Variants in TBX4 observed in about 807,000 individuals in gnomAD.
The protein encoded by TBX4 is T-box transcription factor TBX4.
TBX4 carries 13 observed loss-of-function variants against 54.6 expected under a neutral mutation model. That is an observed-to-expected ratio of 0.24 (90% CI 0.15 to 0.38). The LOEUF (loss-of-function observed/expected upper bound fraction) is 0.38, where lower values mean the gene tolerates loss of function less well. Among genes scored for constraint, TBX4 ranks in the 10% least tolerant of loss-of-function variants. TBX4 has a pLI of 1.00. For synonymous variants in TBX4, 314 were observed against 306.7 expected, an observed-to-expected ratio of 1.02 and a Z score of -0.25; for missense variants, 631 against 728.5, an observed-to-expected ratio of 0.87 and a Z score of 1.54.
rs1256573043 is a variant in TBX4 at position 61,457,264 on chromosome 17, G to C, written c.187-273G>C. Among the ~76,000 whole-genome samples the C allele has an allele frequency of 5.3e-5, 8 of 152,278 alleles. No individual in the cohort carries two copies. Among genetic ancestry groups the C allele is most frequent in the African/African-American group, 1.9e-4 (8 of 41,586 alleles). On this transcript the variant is annotated intron_variant, in intron 2 of 8. Coordinates refer to ENST00000644296, the MANE Select transcript of TBX4 (RefSeq NM_001321120.2). The surrounding 1 kb of genome is among the most constrained non-coding windows in gnomAD (Gnocchi z 8.2). ...GCCCGCCACAGAAATGTTCATGAGT[G>C]AGCAGGAGTGTCGTCTAACCTGCGC...
At position 61,483,661 on chromosome 17, in the gene TBX4, A is replaced by G. The variant is rs1370548780; in HGVS notation, c.*145A>G. 3 of 635,104 alleles carry G rather than the reference A, an allele frequency of 4.7e-6. No homozygotes were observed. In the East Asian group the frequency reaches 9.3e-5, roughly 20 times the overall value. The allele number at this position is 635,104 out of a possible 1,614,324, so 39.3% of individuals were successfully genotyped here. On this transcript the variant is annotated 3_prime_UTR_variant, in exon 9 of 9. Transcript: ENST00000644296. This position sits in a 1 kb window ranked among gnomAD's most constrained non-coding sequence, Gnocchi z 6.6. Reference sequence around the variant, plus strand: ...GTGTGTGTGTGTGTGTGTATACACGAGCATGTATGTATTTGGAGAGCATCC... The same window carrying G: ...GTGTGTGTGTGTGTGTGTATACACGGGCATGTATGTATTTGGAGAGCATCC...
chr17:61,457,888 G>T lies in TBX4; in HGVS notation c.281+257G>T, dbSNP rs918606194. Among the ~76,000 whole-genome samples, 3 of 152,234 alleles carry T rather than the reference G, an allele frequency of 2.0e-5. No homozygotes were observed. The highest frequency in any genetic ancestry group is 2.9e-5 in the Non-Finnish European group (2 of 68,046). On this transcript the variant is annotated intron_variant, in intron 3 of 8. Transcript: ENST00000644296. This position sits in a 1 kb window ranked among gnomAD's most constrained non-coding sequence, Gnocchi z 8.2. ...ATGCAAATGAATCCAAACAGGGATC[G>T]CGACGCTCAAAAGTCCCAGCTCCAG...
In TBX4 at chr17:61,465,211, G is replaced by A. The variant is rs1291555103; in HGVS notation, c.282-608G>A. Among the ~76,000 whole-genome samples the A allele has an allele frequency of 6.6e-6, 1 of 152,152 alleles. No individual in the cohort carries two copies. The highest frequency in any genetic ancestry group is 6.5e-5 in the Admixed American group (1 of 15,284). The stretch of plus-strand genomic sequence containing the variant: ...CCAGGTGAGGTGTTCACAGGGAGAA[G>A]TACCCCCGATAGACACACTGGAAGA... On this transcript the variant is annotated intron_variant, in intron 3 of 8. Coordinates refer to ENST00000644296, the MANE Select transcript of TBX4 (RefSeq NM_001321120.2). The surrounding 1 kb of genome is among the most constrained non-coding windows in gnomAD (Gnocchi z 4.9).
rs376199213 is a variant in TBX4 at position 61,472,032 on chromosome 17, C to A, written c.549+4375C>A. 6.6e-6 allele frequency among the ~76,000 whole-genome samples: 1 copy of A among 151,872 alleles called. No individual in the cohort carries two copies. Among genetic ancestry groups the A allele is most frequent in the African/African-American group, 2.4e-5 (1 of 41,330 alleles). On this transcript the variant is annotated intron_variant, in intron 5 of 8. Coordinates refer to ENST00000644296, the MANE Select transcript of TBX4 (RefSeq NM_001321120.2). This position sits in a 1 kb window ranked among gnomAD's most constrained non-coding sequence, Gnocchi z 4.5. Reference sequence around the variant, plus strand: ...TGCTGGGATTGCAGGCGTGTGCCACCGCGCCCGGCCTGCAGCTGCATAGAA... The same window carrying A: ...TGCTGGGATTGCAGGCGTGTGCCACAGCGCCCGGCCTGCAGCTGCATAGAA...
At chr17:61,468,383 A>C (rs2060550941) in intron 5 of TBX4, among the ~76,000 whole-genome samples, 1 of 152,246 alleles carries the variant, frequency 6.6e-6, no homozygotes, top group Admixed American at 6.5e-5. Context: ...GGCAAACAGA[A>C]GTCTGGGGAC....
At position 61,480,332 on chromosome 17, in the gene TBX4, T is replaced by A. The variant is rs779193668; in HGVS notation, c.1021+13T>A. On this transcript the variant is annotated intron_variant, in intron 8 of 8. Transcript: ENST00000644296. The surrounding 1 kb of genome is among the most constrained non-coding windows in gnomAD (Gnocchi z 6.2). ...CTGAAAAGACGAGGTAGGGCTCTCCTGGTCTAGAAGCCCTAGAGGGTAAGA... is the reference window on the plus strand; with the variant it reads ...CTGAAAAGACGAGGTAGGGCTCTCCAGGTCTAGAAGCCCTAGAGGGTAAGA... 1 of 1,607,722 alleles carries A rather than the reference T, an allele frequency of 6.2e-7. No individual in the cohort carries two copies. Among genetic ancestry groups the A allele is most frequent in the South Asian group, 1.1e-5 (1 of 90,744 alleles).
rs1367412125 is a variant in TBX4 at position 61,484,729 on chromosome 17, C to G, written c.*1213C>G. On this transcript the variant is annotated 3_prime_UTR_variant, in exon 9 of 9. Transcript: ENST00000644296. This position sits in a 1 kb window ranked among gnomAD's most constrained non-coding sequence, Gnocchi z 4.1. ...ACTAAACTCTTTGCATGCTGAATAG[C>G]TATTTATATATTATATAAATAAATA... 6.8e-6 allele frequency: 1 copy of G among 147,242 alleles called. No individual in the cohort carries two copies. Among genetic ancestry groups the G allele is most frequent in the Non-Finnish European group, 1.5e-5 (1 of 66,798 alleles). The allele number at this position is 147,242 out of a possible 1,614,324, so 9.1% of individuals were successfully genotyped here.
At position 61,472,969 on chromosome 17, in the gene TBX4, A is replaced by T. The variant is rs1454449043; in HGVS notation, c.549+5312A>T. Among the ~76,000 whole-genome samples, 1 of 152,196 alleles carries T rather than the reference A, an allele frequency of 6.6e-6. No individual in the cohort carries two copies. Among genetic ancestry groups the T allele is most frequent in the Non-Finnish European group, 1.5e-5 (1 of 68,036 alleles). On this transcript the variant is annotated intron_variant, in intron 5 of 8. Coordinates refer to ENST00000644296, the MANE Select transcript of TBX4 (RefSeq NM_001321120.2). The surrounding 1 kb of genome is among the most constrained non-coding windows in gnomAD (Gnocchi z 4.5). ...TGGATAATAGGTTTTAGTGTTTGGC[A>T]GGACTGGGCCTCCTTGATCTTCTTC...
chr17:61,483,311 C>T lies in TBX4; in HGVS notation c.1436C>T (p.Ser479Phe), dbSNP rs755776465. 3 of 1,611,852 alleles carry T rather than the reference C, an allele frequency of 1.9e-6. No homozygotes were observed. The highest frequency in any genetic ancestry group is 3.3e-5 in the Admixed American group (2 of 59,986). ...CACTTTAGTGTCTACAATCAGCTCT[C>T]CCAGTCTCAGGTCCGAGAGCGGGGG... ...NAHFSVYNQL[S>F]QSQVRERGPS... Residue 479 changes from serine to phenylalanine, a missense_variant, in exon 9 of 9, where the codon TCC becomes TTC. This residue lies in a region of TBX4 where 354 missense variants were observed against 368.9 expected (regional missense o/e 0.96). Coordinates refer to ENST00000644296, the MANE Select transcript of TBX4 (RefSeq NM_001321120.2). The surrounding 1 kb of genome is among the most constrained non-coding windows in gnomAD (Gnocchi z 6.6).
intron 3 of TBX4, among the ~76,000 whole-genome samples, chr17:61,458,879 G>A (rs2060473940): frequency 6.6e-6 from 1 of 152,162 alleles, no homozygotes; most frequent in South Asian, 2.1e-4. Context: ...CTATTCAAAG[G>A]AAACAAAAAG....
Position 61,483,296 on chromosome 17 carries a change from T to A in TBX4, c.1421T>A (p.Val474Asp). The change falls in exon 9 of 9, where the codon GTC becomes GAC. Residue 474 changes from valine (V) to aspartate (D), a missense_variant. This residue lies in a region of TBX4 where 354 missense variants were observed against 368.9 expected (regional missense o/e 0.96). Transcript: ENST00000644296. The surrounding 1 kb of genome is among the most constrained non-coding windows in gnomAD (Gnocchi z 6.6). ...SQPPGNAHFS[V>D]YNQLSQSQVR... ...CCACCAGGAAATGCCCACTTTAGTG[T>A]CTACAATCAGCTCTCCCAGTCTCAG... 1 of 1,613,428 alleles carries A rather than the reference T, an allele frequency of 6.2e-7. No homozygotes were observed. Among genetic ancestry groups the A allele is most frequent in the Non-Finnish European group, 8.5e-7 (1 of 1,179,402 alleles).
chr17:61,457,547 A>G lies in TBX4; in HGVS notation c.197A>G (p.Asn66Ser). The G allele has an allele frequency of 6.2e-7, 1 of 1,613,806 alleles. No individual in the cohort carries two copies. The highest frequency in any genetic ancestry group is 2.2e-5 in the East Asian group (1 of 44,820). The part of the protein sequence containing the change: ...AAAAAEQTIE[N>S]IKVGLHEKEL... Reference sequence around the variant, plus strand: ...CCCTCCCATCCCCAGACCATCGAGAACATCAAGGTGGGGCTGCATGAGAAG... The same window carrying G: ...CCCTCCCATCCCCAGACCATCGAGAGCATCAAGGTGGGGCTGCATGAGAAG... The change falls in exon 3 of 9, where the codon AAC (asparagine) becomes AGC (serine). Residue 66 changes from asparagine to serine, a missense_variant. Transcript: ENST00000644296. The surrounding 1 kb of genome is among the most constrained non-coding windows in gnomAD (Gnocchi z 8.2).
At position 61,465,541 on chromosome 17, in the gene TBX4, G is replaced by T. The variant is rs1569036542; in HGVS notation, c.282-278G>T. ...GCCCCAAGTCTTAGGGGATTATGGG[G>T]GAGGGGATAAGTGAATTTGGGAAAT... On this transcript the variant is annotated intron_variant, in intron 3 of 8. Coordinates refer to ENST00000644296, the MANE Select transcript of TBX4 (RefSeq NM_001321120.2). The surrounding 1 kb of genome is among the most constrained non-coding windows in gnomAD (Gnocchi z 4.9). 6.6e-6 allele frequency among the ~76,000 whole-genome samples: 1 copy of T among 152,202 alleles called. No individual in the cohort carries two copies. The highest frequency in any genetic ancestry group is 1.5e-5 in the Non-Finnish European group (1 of 68,030).
At position 61,461,917 on chromosome 17, in the gene TBX4, G is replaced by C. The variant is rs1211512902; in HGVS notation, c.282-3902G>C. ...GGGTTGGGGCTTGGGGGACCCTCCAGGTGGAGAGAATCTAGGGGTATCCCC... is the reference window on the plus strand; with the variant it reads ...GGGTTGGGGCTTGGGGGACCCTCCACGTGGAGAGAATCTAGGGGTATCCCC... On this transcript the variant is annotated intron_variant, in intron 3 of 8. Transcript: ENST00000644296. The surrounding 1 kb of genome is among the most constrained non-coding windows in gnomAD (Gnocchi z 5.1). Among the ~76,000 whole-genome samples, 1 of 152,040 alleles carries C rather than the reference G, an allele frequency of 6.6e-6. No individual in the cohort carries two copies.
At chr17:61,473,126 T>TAGGA (rs1186368490) in intron 5 of TBX4, among the ~76,000 whole-genome samples, 1 of 152,248 alleles carries the variant, frequency 6.6e-6, no homozygotes, top group African/African-American at 2.4e-5. Context: ...AGAAGACTGA[T>TAGGA]AGGAAGGCTT....
At position 61,480,365 on chromosome 17, in the gene TBX4, T is replaced by G; in HGVS notation, c.1021+46T>G. 6.6e-7 allele frequency: 1 copy of G among 1,525,228 alleles called. No individual in the cohort carries two copies. The highest frequency in any genetic ancestry group is 8.9e-7 in the Non-Finnish European group (1 of 1,124,026). The allele number at this position is 1,525,228 out of a possible 1,614,324, so 94.5% of individuals were successfully genotyped here. A position where few individuals can be genotyped will look rare whatever the true frequency, so the allele number is the denominator to read the frequency against. On this transcript the variant is annotated intron_variant, in intron 8 of 8. Coordinates refer to ENST00000644296, the MANE Select transcript of TBX4 (RefSeq NM_001321120.2). The surrounding 1 kb of genome is among the most constrained non-coding windows in gnomAD (Gnocchi z 6.2). ...AAGCCCTAGAGGGTAAGAGGAGCGG[T>G]GAGGTTCTCCCCGAAACCACTCTGC... is the stretch of plus-strand genomic sequence containing the variant.
rs976100469 is a variant in TBX4, at chr17:61,458,581, T to A, written c.281+950T>A. Among the ~76,000 whole-genome samples the A allele has an allele frequency of 4.6e-5, 7 of 152,130 alleles. No individual in the cohort carries two copies. In the South Asian group the frequency reaches 8.3e-4, roughly 18 times the overall value. Reference sequence around the variant, plus strand: ...AGGCTCAAGTGCCAGGAATTTGGAGTCAGACCACGGTGGGTGAGGGCTGCA... The same window carrying A: ...AGGCTCAAGTGCCAGGAATTTGGAGACAGACCACGGTGGGTGAGGGCTGCA... On this transcript the variant is annotated intron_variant, in intron 3 of 8. Transcript: ENST00000644296.
chr17:61,455,353 G>C (rs1228541433), intron 1 of TBX4, among the ~76,000 whole-genome samples: 1 of 152,210 alleles, frequency 6.6e-6, no homozygotes. Flanking sequence ...CCTCAAGAAG[G>C]GCCGTCAGAC....
intron 5 of TBX4, among the ~76,000 whole-genome samples, chr17:61,477,220 C>T (rs1036823211): frequency 2.6e-5 from 4 of 152,244 alleles, no homozygotes; most frequent in African/African-American, 9.6e-5. Context: ...TAAAATGCCC[C>T]AAATTCCTGG....
Sources: allele counts gnomAD v4.1 joint callset (sites outside exome capture counted in the v4.1 genomes callset), GRCh38; gene constraint gnomAD v4.1.1; regional missense constraint gnomAD v4.1.1; non-coding constraint Gnocchi (gnomAD v3.1); transcripts MANE v1.5; gene names NCBI Gene and HGNC (gene_info 2026-07-23, HGNC 2026-07-21).